The following SPAG16 variants were observed in gnomAD, a reference collection of about 807,000 sequenced individuals.
The protein encoded by SPAG16 is sperm associated antigen 16.
SPAG16 carries 86 observed loss-of-function variants against 80.4 expected under a neutral mutation model. The ratio of observed to expected loss-of-function variants is 1.07; its 90% CI spans 0.90 to 1.28. The LOEUF (loss-of-function observed/expected upper bound fraction) is 1.28, where lower values mean the gene tolerates loss of function less well. SPAG16 is among the 50% of genes most tolerant of loss of function. The pLI, the probability that SPAG16 is intolerant of heterozygous loss-of-function variation, is 0.00. For missense variants in SPAG16, 870 were observed against 765.3 expected, an observed-to-expected ratio of 1.14 and a Z score of -1.61; for synonymous variants, 294 against 265.9, an observed-to-expected ratio of 1.11 and a Z score of -1.03.
intron 13 of SPAG16, among the ~76,000 whole-genome samples, chr2:214,061,020 T>C (rs1312058966): frequency 6.6e-6 from 1 of 152,118 alleles, no homozygotes; most frequent in Non-Finnish European, 1.5e-5. Context: ...GAGATAGCTT[T>C]TGGGAAATGG....
intron 10 of SPAG16, among the ~76,000 whole-genome samples, chr2:213,557,663 G>T (rs372145011): frequency 9.9e-5 from 15 of 152,144 alleles, no homozygotes; most frequent in African/African-American, 3.4e-4. Flanking sequence ...CTGCTGCCTA[G>T]GCTGGTCTAG....
chr2:214,373,189 A>G lies in SPAG16; in HGVS notation c.1721-36951A>G, dbSNP rs376946255. The stretch of plus-strand genomic sequence containing the variant: ...AAAAATTGCTTTCAGAATAAACTAT[A>G]ATACTGAGGAATTTGTTTGGGCAAT... On this transcript the variant is annotated intron_variant, in intron 15 of 15. Coordinates refer to ENST00000331683, the MANE Select transcript of SPAG16 (RefSeq NM_024532.5). Among the ~76,000 whole-genome samples, 10 of 152,306 alleles carry G rather than the reference A, an allele frequency of 6.6e-5. No homozygotes were observed. In the East Asian group the frequency reaches 1.9e-3, roughly 29 times the overall value.
chr2:213,361,197 CTTTGTT>C (rs2065957955), intron 7 of SPAG16, among the ~76,000 whole-genome samples: 1 of 151,780 alleles, frequency 6.6e-6, no homozygotes, highest in Non-Finnish European at 1.5e-5. Context: ...AAACCTATAA[CTTTGTT>C]TTTGGTTTTA....
intron 1 of SPAG16, 158 bp downstream of exon 1, chr2:213,284,777 C>T (rs1046040374): frequency 1.1e-5 from 12 of 1,062,364 alleles, no homozygotes; most frequent in Non-Finnish European, 1.6e-5. Context: ...CCACAGTCTT[C>T]CTGAGAGCCA....
At chr2:214,045,668 T>G (rs1316920796) in intron 13 of SPAG16, among the ~76,000 whole-genome samples, 3 of 152,196 alleles carry the variant, frequency 2.0e-5, no homozygotes, top group East Asian at 3.9e-4. Context: ...CAAATGTTAA[T>G]GAAAACACAT....
chr2:213,316,909 C>T (rs1228376513), intron 4 of SPAG16, among the ~76,000 whole-genome samples: 1 of 151,970 alleles, frequency 6.6e-6, no homozygotes, highest in African/African-American at 2.4e-5. Context: ...TATCACCCTC[C>T]CCACTAGAAT....
intron 10 of SPAG16, among the ~76,000 whole-genome samples, chr2:213,804,522 A>C (rs2071622229): frequency 6.6e-6 from 1 of 152,110 alleles, no homozygotes; most frequent in South Asian, 2.1e-4. Flanking sequence ...TCTCTACTAA[A>C]AATACAAAAA....
intron 12 of SPAG16, among the ~76,000 whole-genome samples, chr2:214,003,147 G>A (rs1375386703): frequency 6.6e-6 from 1 of 152,136 alleles, no homozygotes; most frequent in Non-Finnish European, 1.5e-5. Flanking sequence ...GTGTGAACCA[G>A]TACGAGTCAA....
chr2:213,895,784 G>A (rs891191250), intron 11 of SPAG16, among the ~76,000 whole-genome samples: 10 of 152,036 alleles, frequency 6.6e-5, no homozygotes, highest in Non-Finnish European at 1.0e-4. Flanking sequence ...AAATAAAAAT[G>A]GACTAAAGAC....
chr2:214,313,721 G>GTTCATTTCA (rs1695486713), intron 15 of SPAG16, among the ~76,000 whole-genome samples: 1 of 151,608 alleles, frequency 6.6e-6, no homozygotes, highest in African/African-American at 2.4e-5. Context: ...CAAGTTCTTT[G>GTTCATTTCA]GTTTTATTTC....
chr2:214,268,913 AT>A (rs1691789607), intron 15 of SPAG16, among the ~76,000 whole-genome samples: 1 of 151,982 alleles, frequency 6.6e-6, no homozygotes, highest in African/African-American at 2.4e-5. Context: ...AAAGTCAGAG[AT>A]GGCTGCATGT....
rs566335822 is a variant in SPAG16 at position 213,710,321 on chromosome 2, A to C, written c.1071-152164A>C. Among the ~76,000 whole-genome samples, 111 of 152,200 alleles carry C rather than the reference A, an allele frequency of 7.3e-4. 1 individual carries two copies. The South Asian group carries it at 0.02, about 28-fold the overall frequency. Reference sequence around the variant, plus strand: ...AAAGAAGTTATAGGAAATGACATAAATCTTCAGAAAAATGATAAAATTACA... The same window carrying C: ...AAAGAAGTTATAGGAAATGACATAACTCTTCAGAAAAATGATAAAATTACA... On this transcript the variant is annotated intron_variant, in intron 10 of 15. Transcript: ENST00000331683.
At chr2:213,788,023 A>G (rs542635030) in intron 10 of SPAG16, among the ~76,000 whole-genome samples, 19 of 152,108 alleles carry the variant, frequency 1.2e-4, no homozygotes, top group Middle Eastern at 3.4e-3. Context: ...TGATAGGACA[A>G]TTGGCACTCT....
intron 15 of SPAG16, among the ~76,000 whole-genome samples, chr2:214,164,296 TA>T (rs2125612257): frequency 6.6e-6 from 1 of 152,194 alleles, no homozygotes; most frequent in East Asian, 1.9e-4. Context: ...TATGAAAAAT[TA>T]AGACAAGTTA....
intron 10 of SPAG16, among the ~76,000 whole-genome samples, chr2:213,691,597 T>C (rs1444309297): frequency 2.6e-5 from 4 of 152,118 alleles, no homozygotes; most frequent in African/African-American, 7.2e-5. Flanking sequence ...AATAATAAAT[T>C]GTTTGAAGCC....
At chr2:214,081,808 A>C (rs2051407777) in intron 13 of SPAG16, among the ~76,000 whole-genome samples, 1 of 150,368 alleles carries the variant, frequency 6.7e-6, no homozygotes, top group Non-Finnish European at 1.5e-5. Flanking sequence ...ACATTGCAAC[A>C]TTTTTTAGTG....
At chr2:214,410,108 T>C in intron 15 of SPAG16, 32 bp from the exon 16 acceptor site, 1 of 1,597,922 alleles carries the variant, frequency 6.3e-7, no homozygotes, top group African/African-American at 1.3e-5. Context: ...CTTTGATTCA[T>C]TCTCTCTCTC....
intron 15 of SPAG16, among the ~76,000 whole-genome samples, chr2:214,206,266 C>T (rs1215197997): frequency 1.3e-5 from 2 of 152,122 alleles, no homozygotes; most frequent in Admixed American, 6.6e-5. Context: ...CCAACTTCTC[C>T]TTATCTCTTT....
chr2:213,588,694 CGGGAGGCTGAGG>C (rs2060560708), intron 10 of SPAG16, among the ~76,000 whole-genome samples: 2 of 150,248 alleles, frequency 1.3e-5, no homozygotes, highest in African/African-American at 4.9e-5. Flanking sequence ...CCCAGCTACT[CGGGAGGCTGAGG>C]CAGGAGAATG....
Sources: gnomAD v4.1 joint callset for allele counts (sites outside exome capture counted in the v4.1 genomes callset) on GRCh38, gnomAD v4.1.1 for gene constraint, MANE v1.5 for transcripts, NCBI Gene and HGNC (gene_info 2026-07-23, HGNC 2026-07-21) for gene names.